The following RPS6KC1 variants were observed in gnomAD, a reference collection of about 807,000 sequenced individuals.
RPS6KC1 encodes the protein inactive ribosomal protein S6 kinase delta-1.
Under a neutral mutation model 103.8 loss-of-function variants are expected in RPS6KC1, and 54 were observed. That is an observed-to-expected ratio of 0.52 (90% CI 0.42 to 0.65). RPS6KC1 has a LOEUF of 0.65. Ranked by LOEUF, RPS6KC1 falls within the 30% of genes least tolerant of loss-of-function variation. The probability of loss-of-function intolerance (pLI) is 0.00; values close to 1 mark genes in which losing one functional copy is unlikely to be tolerated. For synonymous variants in RPS6KC1, 439 were observed against 438.7 expected (o/e 1.00, Z -0.01); for missense variants, 1,151 against 1,253.8 (o/e 0.92, Z 1.24).
chr1:213,741,196 A>G, the RPS6KC1 span, among the ~76,000 whole-genome samples: 4 of 151,756 alleles, frequency 2.6e-5, no homozygotes, highest in East Asian at 5.8e-4. Flanking sequence ...TTGTGGAATG[A>G]TTAAATCAAA....
chr1:213,519,786 C>A, the RPS6KC1 span, among the ~76,000 whole-genome samples: 1 of 152,218 alleles, frequency 6.6e-6, no homozygotes, highest in African/African-American at 2.4e-5. Context: ...GACTGCACTT[C>A]ATGCTAGTGA....
At chr1:213,188,573 C>T (rs74139154) in intron 8 of RPS6KC1, among the ~76,000 whole-genome samples, 2,218 of 152,018 alleles carry the variant, frequency 0.015, 49 homozygotes, top group African/African-American at 0.05. Context: ...ACAGCTTGCA[C>T]TTATATTTCT....
chr1:213,322,954 G>C, the RPS6KC1 span, among the ~76,000 whole-genome samples: 4 of 105,658 alleles, frequency 3.8e-5, no homozygotes, highest in African/African-American at 1.5e-4. Context: ...AGTAGAGACA[G>C]GGTTTCACCA....
At chr1:213,507,545 T>C in the RPS6KC1 span, among the ~76,000 whole-genome samples, 3 of 135,176 alleles carry the variant, frequency 2.2e-5, no homozygotes, top group South Asian at 6.7e-4. Context: ...AGGTCAACCC[T>C]CTCATTTTTT....
chr1:213,087,992 C>G (rs866712035), intron 3 of RPS6KC1, among the ~76,000 whole-genome samples: 33 of 152,260 alleles, frequency 2.2e-4, no homozygotes, highest in Admixed American at 1.1e-3. Flanking sequence ...CTGCTTTAAC[C>G]CCAGAAAGTT....
intron 6 of RPS6KC1, among the ~76,000 whole-genome samples, chr1:213,161,364 A>G (rs995868045): frequency 6.6e-6 from 1 of 151,798 alleles, no homozygotes; most frequent in African/African-American, 2.4e-5. Context: ...TCTGTCACCC[A>G]GGGTGGAGTG....
chr1:213,473,819 G>T, the RPS6KC1 span, among the ~76,000 whole-genome samples: 1 of 152,124 alleles, frequency 6.6e-6, no homozygotes, highest in Non-Finnish European at 1.5e-5. Flanking sequence ...GATTCATTTC[G>T]AGAAGTTTTC....
chr1:213,478,332 T>C, the RPS6KC1 span, among the ~76,000 whole-genome samples: 1 of 152,172 alleles, frequency 6.6e-6, no homozygotes, highest in Non-Finnish European at 1.5e-5. Flanking sequence ...CTTCTGCTAG[T>C]TTTTGTATGG....
the RPS6KC1 span, among the ~76,000 whole-genome samples, chr1:213,842,877 A>G: frequency 6.6e-6 from 1 of 152,168 alleles, no homozygotes; most frequent in African/African-American, 2.4e-5. Context: ...CTTACTACCA[A>G]TTTTACTTAA....
In RPS6KC1 at chr1:213,240,608, ATTT is replaced by A; in HGVS notation, c.1226-91_1226-89del. 3 of 1,031,488 alleles carry A rather than the reference ATTT, an allele frequency of 2.9e-6. No homozygotes were observed. The South Asian group carries it at 4.8e-5, about 17-fold the overall frequency. 63.9% of individuals were successfully genotyped at this position (1,031,488 alleles called of 1,614,324 possible). ...GGATATTATTGACTTGTTTTGATTGATTTTTAAGATAGTTTTTGTTTTTCTAAT... is the reference window on the plus strand; with the variant it reads ...GGATATTATTGACTTGTTTTGATTGATTAAGATAGTTTTTGTTTTTCTAAT... On this transcript the variant is annotated intron_variant, in intron 10 of 14. Coordinates refer to ENST00000366960, the MANE Select transcript of RPS6KC1 (RefSeq NM_012424.6).
At chr1:213,083,593 T>A (rs1022214592) in intron 3 of RPS6KC1, among the ~76,000 whole-genome samples, 4 of 152,168 alleles carry the variant, frequency 2.6e-5, no homozygotes, top group Non-Finnish European at 5.9e-5. Flanking sequence ...GGATGTGACT[T>A]AGATGAGATT....
At chr1:213,112,721 C>G (rs1464897264) in intron 4 of RPS6KC1, among the ~76,000 whole-genome samples, 4 of 151,952 alleles carry the variant, frequency 2.6e-5, no homozygotes, top group Admixed American at 1.3e-4. Flanking sequence ...CCTCTCCCCC[C>G]ACCCCACAAC....
the RPS6KC1 span, among the ~76,000 whole-genome samples, chr1:213,815,633 C>T: frequency 5.3e-5 from 8 of 152,174 alleles, no homozygotes; most frequent in Non-Finnish European, 1.0e-4. Flanking sequence ...AAGTGAGTCC[C>T]ACCAATTTTC....
At chr1:213,548,895 A>G in the RPS6KC1 span, among the ~76,000 whole-genome samples, 8 of 152,210 alleles carry the variant, frequency 5.3e-5, no homozygotes, top group South Asian at 2.1e-4. Context: ...ACAAAGCCAC[A>G]TAAGAATTGT....
At chr1:213,597,025 C>T in the RPS6KC1 span, among the ~76,000 whole-genome samples, 1 of 152,150 alleles carries the variant, frequency 6.6e-6, no homozygotes, top group Non-Finnish European at 1.5e-5. Context: ...CAAAACCAAG[C>T]GACTGATTCT....
At chr1:213,256,025 T>C (rs2094634945) in intron 12 of RPS6KC1, among the ~76,000 whole-genome samples, 1 of 151,394 alleles carries the variant, frequency 6.6e-6, no homozygotes, top group African/African-American at 2.5e-5. Context: ...AATTATTCAA[T>C]GTCTTCTTTT....
chr1:213,578,193 C>T, the RPS6KC1 span, among the ~76,000 whole-genome samples: 1 of 152,246 alleles, frequency 6.6e-6, no homozygotes, highest in Non-Finnish European at 1.5e-5. Context: ...GGTGTTGGGC[C>T]TGTGGCTACA....
the RPS6KC1 span, among the ~76,000 whole-genome samples, chr1:213,796,621 G>A: frequency 8.6e-3 from 1,311 of 152,204 alleles, 18 homozygotes; most frequent in African/African-American, 0.03. Context: ...AGTCACAGGC[G>A]AATCTTGTGG....
chr1:213,594,947 C>T, the RPS6KC1 span, among the ~76,000 whole-genome samples: 69 of 152,234 alleles, frequency 4.5e-4, no homozygotes, highest in African/African-American at 1.6e-3. Flanking sequence ...AAATCTTGGC[C>T]TTCGTGGCAC....
Sources: allele counts gnomAD v4.1 joint callset (sites outside exome capture counted in the v4.1 genomes callset), GRCh38; gene constraint gnomAD v4.1.1; transcripts MANE v1.5; gene names NCBI Gene and HGNC (gene_info 2026-07-23, HGNC 2026-07-21).